EFL1: variants seen among roughly 807,000 people sequenced by gnomAD.
EFL1 encodes elongation factor like GTPase 1, also known as elongation factor-like GTPase 1.
A neutral mutation model predicts 126.7 loss-of-function variants in EFL1; 76 were observed. That is an observed-to-expected ratio of 0.60 (90% confidence interval 0.50 to 0.73). The LOEUF (loss-of-function observed/expected upper bound fraction) is 0.73. Ranked by LOEUF, EFL1 falls within the 30% of genes least tolerant of loss-of-function variation. The pLI is 0.00. For missense variants in EFL1, 1,128 were observed against 1,343.2 expected (o/e 0.84, Z 2.50); for synonymous variants, 410 against 448.4 (o/e 0.91, Z 1.08).
Position 82,228,428 on chromosome 15 carries a change from C to T in EFL1, c.933-101G>A, listed in dbSNP as rs184785435. The T allele has an allele frequency of 3.5e-4, 501 of 1,418,870 alleles. 4 individuals are homozygous for T. The African/African-American group carries it at 6.6e-3, about 19-fold the overall frequency. The allele number at this position is 1,418,870 out of a possible 1,614,324, so 87.9% of individuals were successfully genotyped here. On this transcript the variant is annotated intron_variant, in intron 9 of 19. Coordinates refer to ENST00000268206, the MANE Select transcript of EFL1 (RefSeq NM_024580.6). The stretch of plus-strand genomic sequence containing the variant: ...GGCATATTTTTACCCTAATGTGTTA[C>T]TTTTTCAAAAAAAGCTAAAAATGAT...
intron 4 of EFL1, among the ~76,000 whole-genome samples, chr15:82,250,609 T>C (rs1461727469): frequency 6.6e-6 from 1 of 151,274 alleles, no homozygotes; most frequent in East Asian, 1.9e-4. Flanking sequence ...GACATGACAG[T>C]AGGCAAAAGC....
intron 15 of EFL1, among the ~76,000 whole-genome samples, chr15:82,213,919 A>G (rs1013626025): frequency 6.6e-6 from 1 of 152,236 alleles, no homozygotes; most frequent in Non-Finnish European, 1.5e-5. Flanking sequence ...TGCTTTGGCA[A>G]ATTTTTGGGA....
chr15:82,213,893 T>C lies in EFL1; in HGVS notation c.1750+824A>G, dbSNP rs555112197. On this transcript the variant is annotated intron_variant, in intron 15 of 19. Coordinates refer to ENST00000268206, the MANE Select transcript of EFL1 (RefSeq NM_024580.6). ...AAATAAAGAAAAGAATATATCTCTG[T>C]AGGTGAATAGCAAAATGCTTTGGCA... 2.6e-5 allele frequency among the ~76,000 whole-genome samples: 4 copies of C among 152,378 alleles called. No homozygotes were observed. In the East Asian group the frequency reaches 7.7e-4, roughly 29 times the overall value.
At chr15:82,137,814 C>T (rs887909682) in intron 19 of EFL1, among the ~76,000 whole-genome samples, 5 of 152,134 alleles carry the variant, frequency 3.3e-5, no homozygotes, top group Non-Finnish European at 7.4e-5. Context: ...TTGTTTTTTG[C>T]ACATGCCCTG....
At chr15:82,177,348 A>G (rs2074205387) in intron 15 of EFL1, among the ~76,000 whole-genome samples, 1 of 152,242 alleles carries the variant, frequency 6.6e-6, no homozygotes, top group Admixed American at 6.5e-5. Flanking sequence ...CCTTTAAAAA[A>G]GAACTGGCAG....
chr15:82,180,890 G>T (rs1193246703), intron 15 of EFL1, among the ~76,000 whole-genome samples: 1 of 151,894 alleles, frequency 6.6e-6, no homozygotes, highest in Non-Finnish European at 1.5e-5. Flanking sequence ...TACTATCCTG[G>T]TTAATTTTTG....
At chr15:82,220,745 G>A (rs368147037) in intron 12 of EFL1, among the ~76,000 whole-genome samples, 166 of 150,644 alleles carry the variant, frequency 1.1e-3, no homozygotes, top group African/African-American at 2.8e-3. Flanking sequence ...GTGTGTGGGT[G>A]TGTATGTGTG....
At position 82,188,545 on chromosome 15, in the gene EFL1, C is replaced by T. The variant is rs138608243; in HGVS notation, c.1751-24561G>A. Among the ~76,000 whole-genome samples, 47 of 152,226 alleles carry T rather than the reference C, an allele frequency of 3.1e-4. No individual in the cohort carries two copies. In the East Asian group the frequency reaches 5.0e-3, roughly 16 times the overall value. The stretch of plus-strand genomic sequence containing the variant: ...AACAATGTTATAACCGTTGCTTCCT[C>T]GTGGGGAAAAGTTAAAAATTCAATG... On this transcript the variant is annotated intron_variant, in intron 15 of 19. Transcript: ENST00000268206.
chr15:82,156,538 C>T (rs1252607124), intron 17 of EFL1, among the ~76,000 whole-genome samples: 1 of 152,142 alleles, frequency 6.6e-6, no homozygotes, highest in African/African-American at 2.4e-5. Flanking sequence ...CCGCCCTGGC[C>T]TCCCAAAGTG....
At chr15:82,239,860 C>G (rs1435097017) in intron 6 of EFL1, among the ~76,000 whole-genome samples, 1 of 152,148 alleles carries the variant, frequency 6.6e-6, no homozygotes, top group Non-Finnish European at 1.5e-5. Context: ...CCCTCTTGAC[C>G]CAGACTGGGT....
chr15:82,237,544 G>C (rs571328213), intron 7 of EFL1, among the ~76,000 whole-genome samples: 2 of 152,182 alleles, frequency 1.3e-5, no homozygotes, highest in South Asian at 4.1e-4. Context: ...GATCACTCAC[G>C]CATGCACTGC....
At chr15:82,232,816 G>A (rs552333595) in intron 7 of EFL1, among the ~76,000 whole-genome samples, 89 of 151,788 alleles carry the variant, frequency 5.9e-4, no homozygotes, top group Non-Finnish European at 1.1e-3. Context: ...CTCCTTAGTA[G>A]GGGATTTCAT....
intron 7 of EFL1, 39 bp from the exon 8 acceptor site, chr15:82,231,010 G>A (rs1374985102): frequency 9.4e-6 from 15 of 1,597,992 alleles, no homozygotes; most frequent in Middle Eastern, 1.7e-4. Flanking sequence ...TAATAACAAC[G>A]ATTATTGATT....
intron 15 of EFL1, among the ~76,000 whole-genome samples, chr15:82,189,565 T>C (rs552481536): frequency 1.2e-4 from 18 of 152,268 alleles, no homozygotes; most frequent in African/African-American, 4.3e-4. Flanking sequence ...AATATTTTCT[T>C]TAGTCTTCAA....
At chr15:82,198,200 C>A (rs1418252494) in intron 15 of EFL1, among the ~76,000 whole-genome samples, 2 of 152,182 alleles carry the variant, frequency 1.3e-5, no homozygotes, top group East Asian at 1.9e-4. Flanking sequence ...CCCTTGTGTT[C>A]ATCTCAGTGC....
intron 15 of EFL1, among the ~76,000 whole-genome samples, chr15:82,165,199 T>C (rs1331234369): frequency 6.6e-6 from 1 of 150,982 alleles, no homozygotes; most frequent in African/African-American, 2.4e-5. Context: ...AGCACAGGAG[T>C]TCAAGACTGG....
intron 19 of EFL1, among the ~76,000 whole-genome samples, chr15:82,132,539 A>G (rs931051404): frequency 4.2e-5 from 5 of 118,688 alleles, no homozygotes; most frequent in African/African-American, 1.7e-4. Flanking sequence ...TAGAAGTGAG[A>G]GCAGCCAGGG....
chr15:82,210,754 C>T (rs1173436330), intron 15 of EFL1, among the ~76,000 whole-genome samples: 5 of 151,406 alleles, frequency 3.3e-5, no homozygotes, highest in African/African-American at 9.7e-5. Context: ...CGCAGCTACT[C>T]GTGAGGCTGA....
chr15:82,131,887 A>T (rs995379859), intron 19 of EFL1, among the ~76,000 whole-genome samples: 49 of 152,352 alleles, frequency 3.2e-4, no homozygotes, highest in Non-Finnish European at 6.0e-4. Flanking sequence ...CCCTGAATAC[A>T]GAATACGGCA....
Sources: allele counts gnomAD v4.1 joint callset (sites outside exome capture counted in the v4.1 genomes callset), GRCh38; gene constraint gnomAD v4.1.1; transcripts MANE v1.5; gene names NCBI Gene and HGNC (gene_info 2026-07-23, HGNC 2026-07-21).